Variants in FGGY observed in about 807,000 individuals in gnomAD.
FGGY encodes the protein FGGY carbohydrate kinase domain containing.
Under a neutral mutation model 71.3 loss-of-function variants are expected in FGGY, and 72 were observed. The observed-to-expected ratio is 1.01, with a 90% CI of 0.84 to 1.23. The LOEUF (loss-of-function observed/expected upper bound fraction) is 1.23, where lower values mean the gene tolerates loss of function less well. Ranked by LOEUF, FGGY falls within the 50% of genes most tolerant of loss-of-function variation. The pLI is 0.00. For missense variants in FGGY, 668 were observed against 682.3 expected (o/e 0.98, Z 0.23); for synonymous variants, 251 against 250.3 (o/e 1.00, Z -0.02).
Position 59,434,123 on chromosome 1 carries a change from A to G in FGGY, c.555-22838A>G, listed in dbSNP as rs2067935231. 2.0e-5 allele frequency among the ~76,000 whole-genome samples: 3 copies of G among 152,242 alleles called. No homozygotes were observed. In the South Asian group the frequency reaches 6.2e-4, roughly 32 times the overall value. ...GCTCAAAAGGCTTAAACTCCCTAGT[A>G]TGATTTACTATCAGTATACCTTTTG... On this transcript the variant is annotated intron_variant, in intron 5 of 15. Transcript: ENST00000303721.
At chr1:59,632,910 C>A (rs1416635488) in intron 10 of FGGY, among the ~76,000 whole-genome samples, 1 of 152,102 alleles carries the variant, frequency 6.6e-6, no homozygotes, top group Non-Finnish European at 1.5e-5. Flanking sequence ...TTTCATTCCC[C>A]CATGGTATAC....
chr1:59,599,538 A>G (rs2096556039), intron 8 of FGGY, among the ~76,000 whole-genome samples: 1 of 151,830 alleles, frequency 6.6e-6, no homozygotes, highest in African/African-American at 2.4e-5. Flanking sequence ...TACTAAAAAT[A>G]TAAACATTAG....
intron 6 of FGGY, among the ~76,000 whole-genome samples, chr1:59,477,380 G>A (rs2093309733): frequency 6.6e-6 from 1 of 152,104 alleles, no homozygotes; most frequent in African/African-American, 2.4e-5. Context: ...TGCATCAGAG[G>A]GCTGCAGTGG....
At chr1:59,595,424 C>A (rs577699244) in intron 8 of FGGY, among the ~76,000 whole-genome samples, 1 of 152,294 alleles carries the variant, frequency 6.6e-6, no homozygotes, top group East Asian at 1.9e-4. Flanking sequence ...GGCGCGGTGG[C>A]TCATGCCTGT....
At chr1:59,309,969 AGG>A (rs2044009841) in intron 1 of FGGY, 1 of 137,794 alleles carries the variant, frequency 7.3e-6, no homozygotes, top group African/African-American at 2.9e-5. Flanking sequence ...TGACAGAGTG[AGG>A]AAAAAAAAAA....
At chr1:59,480,505 C>A (rs1172538422) in intron 6 of FGGY, among the ~76,000 whole-genome samples, 1 of 152,194 alleles carries the variant, frequency 6.6e-6, no homozygotes, top group African/African-American at 2.4e-5. Context: ...ATGGCCAGAA[C>A]CGTATTACAT....
intron 4 of FGGY, among the ~76,000 whole-genome samples, chr1:59,362,997 G>C (rs1216211716): frequency 1.4e-4 from 22 of 152,162 alleles, no homozygotes; most frequent in Non-Finnish European, 1.5e-5. Context: ...TGGGGAGATA[G>C]ATGAATGAAT....
chr1:59,403,647 CT>C (rs2062293561), intron 5 of FGGY, among the ~76,000 whole-genome samples: 1 of 152,182 alleles, frequency 6.6e-6, no homozygotes, highest in South Asian at 2.1e-4. Flanking sequence ...CATGAAAGAC[CT>C]TGGTGCATCC....
Position 59,346,344 on chromosome 1 carries a change from C to CG in FGGY, c.418dup (p.Val140GlyfsTer25), listed in dbSNP as rs145440779. 1.9e-4 allele frequency: 301 copies of CG among 1,611,594 alleles called. 3 individuals are homozygous for CG. The highest frequency in any genetic ancestry group is 8.5e-4 in the Middle Eastern group (4 of 4,716). Reference sequence around the variant, plus strand: ...CCAAGCACAGTGTCCTCCAGTACGTCGGGGGGGTGATGTCTGTGGAAATGC... The same window carrying CG: ...CCAAGCACAGTGTCCTCCAGTACGTCGGGGGGGGTGATGTCTGTGGAAATGC... On this transcript the variant is annotated frameshift_variant, in exon 4 of 16. Transcript: ENST00000303721. LOFTEE classifies it high-confidence loss of function.
At chr1:59,601,994 C>G (rs559795296) in intron 8 of FGGY, among the ~76,000 whole-genome samples, 1 of 152,182 alleles carries the variant, frequency 6.6e-6, no homozygotes, top group African/African-American at 2.4e-5. Flanking sequence ...CCAAGACAAT[C>G]CCATGAAGCC....
chr1:59,753,346 G>A (rs1161844195), intron 14 of FGGY, among the ~76,000 whole-genome samples: 2 of 151,286 alleles, frequency 1.3e-5, no homozygotes, highest in Non-Finnish European at 2.9e-5. Context: ...TGTTTCTGAT[G>A]ACAGCACTGA....
At chr1:59,390,395 C>A (rs1049590481) in intron 5 of FGGY, among the ~76,000 whole-genome samples, 1 of 151,926 alleles carries the variant, frequency 6.6e-6, no homozygotes, top group Admixed American at 6.6e-5. Context: ...TTTTTTAGTC[C>A]TGAGTTCTAT....
chr1:59,419,589 C>T lies in FGGY; in HGVS notation c.555-37372C>T, dbSNP rs532188492. Among the ~76,000 whole-genome samples the T allele has an allele frequency of 7.2e-5, 11 of 152,196 alleles. No homozygotes were observed. The South Asian group carries it at 1.2e-3, about 17-fold the overall frequency. ...AGAAAGTTATGAGATTGGAGTTGTA[C>T]GGGGAAACTCGCTGTGGCCTTGGAA... On this transcript the variant is annotated intron_variant, in intron 5 of 15. Transcript: ENST00000303721.
chr1:59,537,384 G>C (rs1172355741), intron 7 of FGGY, among the ~76,000 whole-genome samples: 2 of 152,184 alleles, frequency 1.3e-5, no homozygotes, highest in African/African-American at 4.8e-5. Flanking sequence ...CATGCTCGTG[G>C]ATAGGAAGAA....
At chr1:59,539,102 A>C (rs1189766611) in intron 7 of FGGY, among the ~76,000 whole-genome samples, 2 of 152,212 alleles carry the variant, frequency 1.3e-5, no homozygotes, top group African/African-American at 4.8e-5. Context: ...GAAAGGTATA[A>C]AACATTGAGA....
chr1:59,452,996 C>T (rs2091338911), intron 5 of FGGY, among the ~76,000 whole-genome samples: 1 of 152,232 alleles, frequency 6.6e-6, no homozygotes, highest in Non-Finnish European at 1.5e-5. Flanking sequence ...TAATAGAAGA[C>T]TCCCGGAGGG....
At chr1:59,634,500 AT>A (rs1386759616) in intron 10 of FGGY, among the ~76,000 whole-genome samples, 2 of 152,140 alleles carry the variant, frequency 1.3e-5, no homozygotes, top group Non-Finnish European at 2.9e-5. Context: ...AGGCACAAGT[AT>A]ATTTTGTTAT....
At chr1:59,553,958 G>T in intron 7 of FGGY, 166 bp from the exon 8 acceptor site, 1 of 486,960 alleles carries the variant, frequency 2.1e-6, no homozygotes, top group Non-Finnish European at 3.6e-6. Flanking sequence ...TCCTATGCAG[G>T]CAAGTATGCC....
chr1:59,316,345 T>C (rs835401), intron 1 of FGGY: 61,521 of 151,958 alleles, frequency 0.4, 12,963 homozygotes, highest in African/African-American at 0.51. Flanking sequence ...CTCATCCGCT[T>C]CTGGGAGATT....
Sources: allele counts gnomAD v4.1 joint callset (sites outside exome capture counted in the v4.1 genomes callset), GRCh38; gene constraint gnomAD v4.1.1; transcripts MANE v1.5; gene names NCBI Gene and HGNC (gene_info 2026-07-23, HGNC 2026-07-21).